UNC13C: variants seen among roughly 807,000 people sequenced by gnomAD.
The protein encoded by UNC13C is unc-13 homolog C, also known as protein unc-13 homolog C.
UNC13C carries 174 observed loss-of-function variants against 245.4 expected under a neutral mutation model. The ratio of observed to expected loss-of-function variants is 0.71; its 90% CI spans 0.63 to 0.80. The LOEUF is 0.80. Ranked by LOEUF, UNC13C falls within the 30% of genes least tolerant of loss-of-function variation. The pLI is 0.00. For synonymous variants in UNC13C, 992 were observed against 895.1 expected, an observed-to-expected ratio of 1.11 and a Z score of -1.93; for missense variants, 2,829 against 2,602.9, an observed-to-expected ratio of 1.09 and a Z score of -1.89.
chr15:54,378,760 A>G, intron 17 of UNC13C, among the ~76,000 whole-genome samples: 1 of 152,078 alleles, frequency 6.6e-6, no homozygotes, highest in East Asian at 1.9e-4. Context: ...CTATTTTTCT[A>G]TTATAACGTG....
In UNC13C at chr15:54,301,636, G is replaced by A. The variant is rs867464586; in HGVS notation, c.4268+1263G>A. On this transcript the variant is annotated intron_variant, in intron 13 of 32. Coordinates refer to ENST00000260323, the MANE Select transcript of UNC13C (RefSeq NM_001080534.3). The stretch of plus-strand genomic sequence containing the variant: ...CATGAACTCATCCTTTTTTATAGCT[G>A]CATAGTATTCCATGGTGCATATGTG... Among the ~76,000 whole-genome samples the A allele has an allele frequency of 2.6e-5, 4 of 152,246 alleles. No homozygotes were observed. The South Asian group carries it at 6.2e-4, about 24-fold the overall frequency.
At chr15:54,227,562 G>C (rs1233915754) in intron 4 of UNC13C, among the ~76,000 whole-genome samples, 1 of 152,190 alleles carries the variant, frequency 6.6e-6, no homozygotes, top group Non-Finnish European at 1.5e-5. Context: ...GGGCAGGGGG[G>C]TAGTGTGTCA....
intron 19 of UNC13C, among the ~76,000 whole-genome samples, chr15:54,474,267 T>A (rs771817269): frequency 3.9e-4 from 59 of 152,054 alleles, no homozygotes; most frequent in Non-Finnish European, 6.6e-4. Context: ...TTTTCCATAA[T>A]GGCTATACTA....
At chr15:54,335,848 T>A (rs1391529391) in intron 16 of UNC13C, among the ~76,000 whole-genome samples, 1 of 152,170 alleles carries the variant, frequency 6.6e-6, no homozygotes, top group East Asian at 1.9e-4. Context: ...GTTGTAAACA[T>A]ATGTTTTTAT....
intron 13 of UNC13C, among the ~76,000 whole-genome samples, chr15:54,304,490 A>G (rs1307375209): frequency 1.3e-5 from 2 of 152,022 alleles, no homozygotes; most frequent in Non-Finnish European, 2.9e-5. Context: ...AAAACTTTAG[A>G]CAGGCTTCTT....
At chr15:54,222,248 C>G (rs1157672686) in intron 4 of UNC13C, among the ~76,000 whole-genome samples, 1 of 151,950 alleles carries the variant, frequency 6.6e-6, no homozygotes, top group Non-Finnish European at 1.5e-5. Flanking sequence ...CTCCACCCAC[C>G]CCTACCCTTC....
At chr15:54,089,272 A>G (rs1051138069) in intron 2 of UNC13C, among the ~76,000 whole-genome samples, 4 of 152,218 alleles carry the variant, frequency 2.6e-5, no homozygotes, top group African/African-American at 9.7e-5. Flanking sequence ...AGTGCCTAGA[A>G]CAAAGAAAGC....
chr15:53,999,907 C>T (rs369413398), intron 1 of UNC13C, among the ~76,000 whole-genome samples: 1 of 152,042 alleles, frequency 6.6e-6, no homozygotes, highest in Admixed American at 6.5e-5. Context: ...ACGATATATG[C>T]TCTGTAAGAT....
At chr15:54,503,437 T>C (rs967281981) in intron 22 of UNC13C, among the ~76,000 whole-genome samples, 113 of 148,256 alleles carry the variant, frequency 7.6e-4, no homozygotes, top group African/African-American at 2.7e-3. Flanking sequence ...GCCTTTCCTT[T>C]TTTTTTTTTT....
intron 2 of UNC13C, among the ~76,000 whole-genome samples, chr15:54,067,841 A>G (rs1314427286): frequency 6.6e-6 from 1 of 152,238 alleles, no homozygotes; most frequent in Non-Finnish European, 1.5e-5. Context: ...AGTGAGCTCA[A>G]TACATGTGAA....
At chr15:54,287,790 G>T (rs944348920) in intron 10 of UNC13C, among the ~76,000 whole-genome samples, 1 of 152,164 alleles carries the variant, frequency 6.6e-6, no homozygotes, top group Non-Finnish European at 1.5e-5. Flanking sequence ...AAAGATTGTT[G>T]TATGAGTGTA....
the UNC13C span, among the ~76,000 whole-genome samples, chr15:53,843,791 C>A: frequency 6.6e-6 from 1 of 152,086 alleles, no homozygotes; most frequent in African/African-American, 2.4e-5. Flanking sequence ...TAAAAAGTTT[C>A]CCTTGAAGTC....
chr15:54,585,030 C>A (rs1052083767), intron 30 of UNC13C, among the ~76,000 whole-genome samples: 2 of 152,158 alleles, frequency 1.3e-5, no homozygotes, highest in Admixed American at 1.3e-4. Context: ...ACCAGACTAC[C>A]ATTGGTTATC....
chr15:54,507,315 A>T, intron 23 of UNC13C, 121 bp downstream of exon 23: 5 of 667,018 alleles, frequency 7.5e-6, no homozygotes, highest in Non-Finnish European at 1.2e-5. Context: ...AGAAATAAGG[A>T]TCTTAAGAAG....
intron 1 of UNC13C, among the ~76,000 whole-genome samples, chr15:53,993,742 G>T (rs1226797417): frequency 1.3e-5 from 2 of 152,076 alleles, no homozygotes; most frequent in Non-Finnish European, 2.9e-5. Flanking sequence ...GAAAATAGCA[G>T]ATTGTGGTCC....
intron 31 of UNC13C, 40 bp from the exon 32 acceptor site, chr15:54,623,755 C>T (rs1285258914): frequency 6.4e-7 from 1 of 1,564,530 alleles, no homozygotes; most frequent in Admixed American, 1.9e-5. Context: ...TAAATTTCCA[C>T]ACATCTGTTT....
At chr15:54,244,205 A>C (rs910946017) in intron 7 of UNC13C, among the ~76,000 whole-genome samples, 2 of 152,140 alleles carry the variant, frequency 1.3e-5, no homozygotes, top group African/African-American at 4.8e-5. Context: ...ATGGCTAGCC[A>C]GTTCTCTAGC....
At chr15:54,633,327 T>C (rs868754045), downstream of UNC13C, 1 of 152,216 alleles carries the variant, frequency 6.6e-6, no homozygotes, top group Non-Finnish European at 1.5e-5. Context: ...TACTGTCTTA[T>C]GGTTTTCAGC....
At chr15:53,879,648 G>A in the UNC13C span, among the ~76,000 whole-genome samples, 3 of 151,950 alleles carry the variant, frequency 2.0e-5, no homozygotes, top group Non-Finnish European at 4.4e-5. Context: ...GAGTGCGGTG[G>A]CACTATCTCA....
Sources: allele counts gnomAD v4.1 joint callset (sites outside exome capture counted in the v4.1 genomes callset), GRCh38; gene constraint gnomAD v4.1.1; transcripts MANE v1.5; gene names NCBI Gene and HGNC (gene_info 2026-07-23, HGNC 2026-07-21).